FSTL4: variants seen among roughly 807,000 people sequenced by gnomAD.
The protein encoded by FSTL4 is follistatin like 4.
In FSTL4, 28 loss-of-function variants were observed where a neutral mutation model predicts 78.2. That is an observed-to-expected ratio of 0.36 (90% CI 0.27 to 0.49). FSTL4 has a LOEUF of 0.49. Ranked by LOEUF, FSTL4 falls within the 20% of genes least tolerant of loss-of-function variation. The pLI is 0.98. For synonymous variants in FSTL4, 422 were observed against 440.5 expected (o/e 0.96, Z 0.53); for missense variants, 922 against 1,084.9 (o/e 0.85, Z 2.11).
At chr5:133,739,291 T>TC in the FSTL4 span, among the ~76,000 whole-genome samples, 2 of 151,096 alleles carry the variant, frequency 1.3e-5, no homozygotes, top group African/African-American at 4.9e-5. Flanking sequence ...CTTTTTCTTT[T>TC]TTTTTTTTTT....
At chr5:133,342,707 C>T (rs538399572) in intron 4 of FSTL4, among the ~76,000 whole-genome samples, 113 of 152,274 alleles carry the variant, frequency 7.4e-4, no homozygotes, top group African/African-American at 2.7e-3. Flanking sequence ...CATTGTAACC[C>T]TAAACATTCC....
intron 3 of FSTL4, among the ~76,000 whole-genome samples, chr5:133,544,524 A>G (rs1039983861): frequency 2.6e-5 from 4 of 152,292 alleles, no homozygotes; most frequent in African/African-American, 7.2e-5. Context: ...ATGTGCTGCT[A>G]TTCTTGAAAG....
At chr5:133,803,164 G>T in the FSTL4 span, among the ~76,000 whole-genome samples, 1 of 152,174 alleles carries the variant, frequency 6.6e-6, no homozygotes, top group African/African-American at 2.4e-5. Flanking sequence ...ACCCCTGAAT[G>T]TCTCACTTTG....
intron 6 of FSTL4, among the ~76,000 whole-genome samples, chr5:133,250,561 G>A (rs536247641): frequency 1.6e-4 from 25 of 152,378 alleles, no homozygotes; most frequent in South Asian, 8.3e-4. Flanking sequence ...CCCAACAGAT[G>A]TATCCCCCTG....
intron 4 of FSTL4, among the ~76,000 whole-genome samples, chr5:133,330,093 CA>C (rs1010307935): frequency 6.6e-6 from 1 of 152,196 alleles, no homozygotes; most frequent in African/African-American, 2.4e-5. Context: ...GTTCTGTTTG[CA>C]GCTGTTGTAT....
chr5:133,274,123 T>A (rs1401488829), intron 6 of FSTL4, among the ~76,000 whole-genome samples: 3 of 152,124 alleles, frequency 2.0e-5, no homozygotes, highest in Non-Finnish European at 4.4e-5. Context: ...GCTGATGGAG[T>A]TGCTTGCAGA....
chr5:133,319,923 G>A (rs1262985117), intron 4 of FSTL4, among the ~76,000 whole-genome samples: 1 of 152,210 alleles, frequency 6.6e-6, no homozygotes, highest in African/African-American at 2.4e-5. Flanking sequence ...GACAGCACTG[G>A]GGAAGGGCCA....
chr5:133,381,782 C>T (rs1580664381), intron 4 of FSTL4, among the ~76,000 whole-genome samples: 2 of 152,220 alleles, frequency 1.3e-5, no homozygotes, highest in Non-Finnish European at 2.9e-5. Context: ...CAGCCTTGCA[C>T]GTGGACACAG....
chr5:133,770,314 T>C, the FSTL4 span, among the ~76,000 whole-genome samples: 2 of 152,198 alleles, frequency 1.3e-5, no homozygotes, highest in East Asian at 3.8e-4. Context: ...TTATTTCCCA[T>C]AAAGGTTGTA....
chr5:133,632,000 G>A, the FSTL4 span, among the ~76,000 whole-genome samples: 21 of 152,240 alleles, frequency 1.4e-4, no homozygotes, highest in East Asian at 7.7e-4. Flanking sequence ...GTCTGTTGTG[G>A]GGTGGGGGTT....
At chr5:133,637,995 C>A in the FSTL4 span, among the ~76,000 whole-genome samples, 1 of 151,450 alleles carries the variant, frequency 6.6e-6, no homozygotes. Flanking sequence ...TTAATGGGCT[C>A]AAATCTGAAT....
At chr5:133,738,698 G>T in the FSTL4 span, among the ~76,000 whole-genome samples, 2 of 152,156 alleles carry the variant, frequency 1.3e-5, no homozygotes, top group African/African-American at 4.8e-5. Context: ...CTTCCCCTAA[G>T]AAAGGATCAA....
intron 11 of FSTL4, among the ~76,000 whole-genome samples, chr5:133,223,348 T>TG (rs1751215420): frequency 6.6e-6 from 1 of 152,282 alleles, no homozygotes; most frequent in Admixed American, 6.5e-5. Context: ...TATGCCAGAC[T>TG]GCAGGTAACA....
At chr5:133,256,765 C>T (rs1752390962) in intron 6 of FSTL4, among the ~76,000 whole-genome samples, 1 of 152,212 alleles carries the variant, frequency 6.6e-6, no homozygotes, top group Non-Finnish European at 1.5e-5. Context: ...AGAGCACTTG[C>T]ATCTGTCCCA....
chr5:133,606,197 T>C (rs1256696328), intron 1 of FSTL4, among the ~76,000 whole-genome samples: 1 of 152,238 alleles, frequency 6.6e-6, no homozygotes, highest in African/African-American at 2.4e-5. Flanking sequence ...CTCGGCTCAC[T>C]GCAACCTCCG....
chr5:133,818,459 G>C, the FSTL4 span, among the ~76,000 whole-genome samples: 1 of 152,152 alleles, frequency 6.6e-6, no homozygotes, highest in African/African-American at 2.4e-5. Flanking sequence ...ACTGGAGAGG[G>C]GAGCCGGCTG....
intron 1 of FSTL4, among the ~76,000 whole-genome samples, chr5:133,606,151 A>T (rs531651723): frequency 6.6e-6 from 1 of 152,228 alleles, no homozygotes; most frequent in African/African-American, 2.4e-5. Context: ...ATGGAGTTTC[A>T]CTCTTGTAGC....
At chr5:133,546,541 AGT>A (rs530817094) in intron 3 of FSTL4, among the ~76,000 whole-genome samples, 245 of 150,158 alleles carry the variant, frequency 1.6e-3, no homozygotes, top group Non-Finnish European at 2.9e-3. Flanking sequence ...AGAGTGAAAA[AGT>A]GTGTTCAGGA....
chr5:133,419,511 T>C (rs1756648767), intron 3 of FSTL4, among the ~76,000 whole-genome samples: 1 of 152,244 alleles, frequency 6.6e-6, no homozygotes, highest in Admixed American at 6.5e-5. Flanking sequence ...TTTGGGTTGA[T>C]TCTAATATTT....
Sources: gnomAD v4.1 joint callset for allele counts (sites outside exome capture counted in the v4.1 genomes callset) on GRCh38, gnomAD v4.1.1 for gene constraint, MANE v1.5 for transcripts, NCBI Gene and HGNC (gene_info 2026-07-23, HGNC 2026-07-21) for gene names.